The following CDH13 variants were observed in gnomAD, a reference collection of about 807,000 sequenced individuals.
The protein encoded by CDH13 is cadherin 13, also known as cadherin-13.
In CDH13, 24 loss-of-function variants were observed where a neutral mutation model predicts 63.8. That is an observed-to-expected ratio of 0.38 (90% CI 0.27 to 0.53). The LOEUF (loss-of-function observed/expected upper bound fraction) is 0.53, where lower values mean the gene tolerates loss of function less well. Ranked by LOEUF, CDH13 falls within the 20% of genes least tolerant of loss-of-function variation. CDH13 has a pLI of 0.85. For missense variants in CDH13, 1,049 were observed against 903.1 expected, an observed-to-expected ratio of 1.16 and a Z score of -2.07; for synonymous variants, 503 against 355.3, an observed-to-expected ratio of 1.42 and a Z score of -4.67.
At chr16:82,807,173 C>A (rs12927934) in intron 1 of CDH13, among the ~76,000 whole-genome samples, 15,147 of 151,298 alleles carry the variant, frequency 0.1, 993 homozygotes, top group Middle Eastern at 0.15. Flanking sequence ...AACCAGTGTT[C>A]CAAATGTCAT....
rs746904500 is a variant in CDH13 at position 83,000,223 on chromosome 16, A to ATTTTTTTTT, written c.158-31754_158-31746dup. On this transcript the variant is annotated intron_variant, in intron 2 of 13. Transcript: ENST00000567109. The stretch of plus-strand genomic sequence containing the variant: ...CTAGGAATATCCACAGGTTTAGCTT[A>ATTTTTTTTT]TTTTTTTTTTTTTTTTTTTTTTTTT... 1.1e-3 allele frequency among the ~76,000 whole-genome samples: 42 copies of ATTTTTTTTT among 37,008 alleles called. 8 individuals are homozygous for ATTTTTTTTT. The highest frequency in any genetic ancestry group is 2.8e-3 in the East Asian group (2 of 712). 24.3% of individuals were successfully genotyped at this position (37,008 alleles called of 152,430 possible).
Position 83,032,036 on chromosome 16 carries a change from G to T in CDH13, c.184G>T (p.Asp62Tyr). Residue 62 changes from aspartate to tyrosine, a missense_variant, in exon 3 of 14, where the codon GAC becomes TAC. Coordinates refer to ENST00000567109, the MANE Select transcript of CDH13 (RefSeq NM_001257.5). ...NLTFSDCKGN[D>Y]KLRYEVSSPY... ...GACCTTCAGTGACTGTAAGGGAAAC[G>T]ACAAGCTACGCTATGAGGTCTCGAG... is the stretch of plus-strand genomic sequence containing the variant. 6.2e-7 allele frequency: 1 copy of T among 1,600,852 alleles called. No individual in the cohort carries two copies. Among genetic ancestry groups the T allele is most frequent in the Non-Finnish European group, 8.5e-7 (1 of 1,173,722 alleles).
At chr16:83,365,392 A>G (rs968723354) in intron 6 of CDH13, among the ~76,000 whole-genome samples, 1 of 152,186 alleles carries the variant, frequency 6.6e-6, no homozygotes, top group African/African-American at 2.4e-5. Context: ...CAGTCTAATA[A>G]TTCAAATGGT....
intron 6 of CDH13, among the ~76,000 whole-genome samples, chr16:83,377,411 T>C (rs2091479270): frequency 1.3e-5 from 2 of 152,214 alleles, no homozygotes; most frequent in South Asian, 4.1e-4. Flanking sequence ...TCTATGTGGA[T>C]ATAAATTATA....
At chr16:83,631,932 G>C (rs1292146333) in intron 8 of CDH13, among the ~76,000 whole-genome samples, 5 of 152,240 alleles carry the variant, frequency 3.3e-5, no homozygotes, top group Non-Finnish European at 7.3e-5. Context: ...TCGTTCGCCA[G>C]CTGAGCAAAG....
chr16:83,620,194 C>T (rs939599135), intron 8 of CDH13, among the ~76,000 whole-genome samples: 9 of 152,174 alleles, frequency 5.9e-5, no homozygotes, highest in Admixed American at 1.3e-4. Flanking sequence ...AGATGGAGAC[C>T]GGCCTGGCCA....
intron 7 of CDH13, among the ~76,000 whole-genome samples, chr16:83,562,025 C>T (rs1029262319): frequency 6.6e-6 from 1 of 152,182 alleles, no homozygotes; most frequent in Non-Finnish European, 1.5e-5. Context: ...CTGAGAAACC[C>T]ATGTCCAGAG....
intron 1 of CDH13, among the ~76,000 whole-genome samples, chr16:82,833,629 C>T (rs553956430): frequency 4.4e-4 from 67 of 152,356 alleles, no homozygotes; most frequent in African/African-American, 7.2e-4. Context: ...CCTTCCCTCC[C>T]GCTCTGTTCT....
At chr16:83,180,770 A>C in intron 4 of CDH13, 1 of 828,428 alleles carries the variant, frequency 1.2e-6, no homozygotes, top group Non-Finnish European at 1.9e-6. Context: ...CTTTAAGACA[A>C]ACAAACAAAG....
At chr16:82,861,165 A>G (rs995400011) in intron 2 of CDH13, among the ~76,000 whole-genome samples, 1 of 152,202 alleles carries the variant, frequency 6.6e-6, no homozygotes, top group African/African-American at 2.4e-5. Flanking sequence ...GGAAATGGTT[A>G]GGGATGTTTT....
At chr16:82,652,849 G>C (rs1403644786) in intron 1 of CDH13, among the ~76,000 whole-genome samples, 1 of 152,072 alleles carries the variant, frequency 6.6e-6, no homozygotes, top group Non-Finnish European at 1.5e-5. Context: ...GTTCCAATGA[G>C]AGAGGCACAT....
chr16:83,615,591 T>A (rs1003572060), intron 8 of CDH13, among the ~76,000 whole-genome samples: 1 of 152,188 alleles, frequency 6.6e-6, no homozygotes, highest in Non-Finnish European at 1.5e-5. Flanking sequence ...CCCAACTATA[T>A]GCTACTGGGA....
Position 83,334,655 on chromosome 16 carries a change from C to T in CDH13, c.637-10207C>T, listed in dbSNP as rs2090553821. ...CCCTCCAAAGTGCTGAGATTACAGG[C>T]ATGAGCCACCATACCTGGCCCAATC... is the stretch of plus-strand genomic sequence containing the variant. On this transcript the variant is annotated intron_variant, in intron 5 of 13. Coordinates refer to ENST00000567109, the MANE Select transcript of CDH13 (RefSeq NM_001257.5). 2.6e-5 allele frequency among the ~76,000 whole-genome samples: 4 copies of T among 152,210 alleles called. No individual in the cohort carries two copies. The South Asian group carries it at 8.3e-4, about 32-fold the overall frequency.
intron 4 of CDH13, among the ~76,000 whole-genome samples, chr16:83,192,361 A>G (rs1372495209): frequency 1.3e-5 from 2 of 152,228 alleles, no homozygotes; most frequent in Non-Finnish European, 2.9e-5. Context: ...GATGCAGAAT[A>G]AAGGGTCTTC....
chr16:83,711,162 C>G (rs1262229450), intron 10 of CDH13, among the ~76,000 whole-genome samples: 5 of 152,212 alleles, frequency 3.3e-5, no homozygotes, highest in African/African-American at 1.2e-4. Context: ...GTATCTGTGA[C>G]TTCAGATGCA....
intron 4 of CDH13, among the ~76,000 whole-genome samples, chr16:83,195,632 C>T (rs997491454): frequency 6.6e-6 from 1 of 152,154 alleles, no homozygotes; most frequent in African/African-American, 2.4e-5. Flanking sequence ...TCACCTCCCA[C>T]CAAGCCCCCT....
intron 1 of CDH13, among the ~76,000 whole-genome samples, chr16:82,731,946 T>A (rs1409700146): frequency 6.6e-6 from 1 of 152,172 alleles, no homozygotes; most frequent in Non-Finnish European, 1.5e-5. Context: ...CTTTGAGTGG[T>A]TCCTCCACCT....
At chr16:82,818,270 G>C (rs529255575) in intron 1 of CDH13, among the ~76,000 whole-genome samples, 1 of 152,082 alleles carries the variant, frequency 6.6e-6, no homozygotes, top group African/African-American at 2.4e-5. Flanking sequence ...AAAACTTGAA[G>C]TTGCCCGGCC....
intron 8 of CDH13, among the ~76,000 whole-genome samples, chr16:83,604,005 G>A (rs552568368): frequency 6.6e-6 from 1 of 152,056 alleles, no homozygotes; most frequent in African/African-American, 2.4e-5. Flanking sequence ...ACAGCACTAG[G>A]GGGGTGGGTG....
Sources: allele counts gnomAD v4.1 joint callset (sites outside exome capture counted in the v4.1 genomes callset), GRCh38; gene constraint gnomAD v4.1.1; transcripts MANE v1.5; gene names NCBI Gene and HGNC (gene_info 2026-07-23, HGNC 2026-07-21).